JADE1: variants seen among roughly 807,000 people sequenced by gnomAD.
JADE1 encodes protein Jade-1.
Under a neutral mutation model 81.8 loss-of-function variants are expected in JADE1, and 14 were observed. The ratio of observed to expected loss-of-function variants is 0.17; its 90% CI spans 0.11 to 0.27. The LOEUF is 0.27. Among genes scored for constraint, JADE1 ranks in the 10% least tolerant of loss-of-function variants. JADE1 has a pLI of 1.00. For synonymous variants in JADE1, 353 were observed against 391.9 expected (o/e 0.90, Z 1.17); for missense variants, 690 against 1,047.9 (o/e 0.66, Z 4.71).
rs778572627 is a variant in JADE1 at position 128,809,982 on chromosome 4, ACGGCGG to A, written c.-27+122_-27+127del. ...TGCGCGTCCCGGTCCCGCGGCGGCG[ACGGCGG>A]CGGCGGCGGCGGCGGCTGCAGGACG... On this transcript the variant is annotated intron_variant, in intron 1 of 10. Coordinates refer to ENST00000226319, the MANE Select transcript of JADE1 (RefSeq NM_199320.4). The A allele has an allele frequency of 7.1e-3, 1,139 of 159,454 alleles. 7 individuals carry two copies. The highest frequency in any genetic ancestry group is 9.8e-3 in the Non-Finnish European group (735 of 75,190). The allele number at this position is 159,454 out of a possible 1,614,324, so 9.9% of individuals were successfully genotyped here.
chr4:128,835,660 C>G (rs1467107123), intron 2 of JADE1, among the ~76,000 whole-genome samples: 1 of 152,218 alleles, frequency 6.6e-6, no homozygotes, highest in African/African-American at 2.4e-5. Context: ...ACACCTCAGC[C>G]TCTCCAGCCT....
In JADE1 at chr4:128,871,503, G is replaced by A. The variant is rs142808845; in HGVS notation, c.1770G>A (p.Ser590=). The A allele has an allele frequency of 5.2e-5, 84 of 1,614,082 alleles. No homozygotes were observed. The African/African-American group carries it at 8.7e-4, about 17-fold the overall frequency. Residue 590 remains serine, a synonymous_variant, in exon 11 of 11, where the codon TCG becomes TCA. Coordinates refer to ENST00000226319, the MANE Select transcript of JADE1 (RefSeq NM_199320.4). This position sits in a 1 kb window ranked among gnomAD's most constrained non-coding sequence, Gnocchi z 4.1. ...AAATGGGTACTTCCTTGGTTCATTCGCTGAAAAAGCCCCATAAGCGAGATC... is the reference window on the plus strand; with the variant it reads ...AAATGGGTACTTCCTTGGTTCATTCACTGAAAAAGCCCCATAAGCGAGATC... ...RKQMGTSLVH[S]LKKPHKRDPL... is the part of the protein sequence containing the mutation.
At chr4:128,824,184 C>T (rs1313917421) in intron 1 of JADE1, among the ~76,000 whole-genome samples, 7 of 151,944 alleles carry the variant, frequency 4.6e-5, no homozygotes, top group Non-Finnish European at 5.9e-5. Flanking sequence ...TTTGGGAGGC[C>T]GAGGCGGGCG....
chr4:128,859,195 AGTGT>A (rs1185250633), intron 8 of JADE1, among the ~76,000 whole-genome samples: 1 of 149,782 alleles, frequency 6.7e-6, no homozygotes, highest in Non-Finnish European at 1.5e-5. Flanking sequence ...TGCATGTGTG[AGTGT>A]GTGTGTATGG....
intron 2 of JADE1, among the ~76,000 whole-genome samples, chr4:128,839,552 C>A (rs1204626001): frequency 6.6e-6 from 1 of 152,152 alleles, no homozygotes; most frequent in African/African-American, 2.4e-5. Context: ...CAAGATAATC[C>A]TTCCCTCCCA....
intron 1 of JADE1, among the ~76,000 whole-genome samples, chr4:128,815,170 G>GCCTCCCTGTAAGCTCCA: frequency 6.8e-6 from 1 of 147,760 alleles, no homozygotes; most frequent in South Asian, 2.1e-4. Context: ...TGTAAGCTCC[G>GCCTCCCTGTAAGCTCCA]CCTCCCTGTA....
chr4:128,861,134 T>C (rs904157090), intron 8 of JADE1, among the ~76,000 whole-genome samples: 2 of 152,210 alleles, frequency 1.3e-5, no homozygotes, highest in African/African-American at 2.4e-5. Context: ...GAGGTTCTTA[T>C]TCAGGTTTGC....
chr4:128,861,957 G>A lies in JADE1; in HGVS notation c.1235G>A (p.Arg412Gln), dbSNP rs1731376570. 2 of 1,614,138 alleles carry A rather than the reference G, an allele frequency of 1.2e-6. No individual in the cohort carries two copies. Among genetic ancestry groups the A allele is most frequent in the Non-Finnish European group, 1.7e-6 (2 of 1,180,006 alleles). Residue 412 changes from arginine to glutamine, a missense_variant, in exon 9 of 11, where the codon CGG (arginine) becomes CAG (glutamine). Physicochemically the swap from Arg to Gln is conservative, Grantham distance 43. This residue lies in a region of JADE1 where 63 missense variants were observed against 138.4 expected (regional missense o/e 0.46). Transcript: ENST00000226319. ...GAGCAGAACCGGGAGGAGGCCCACC[G>A]GGTGAGTGTCCGTAAGCAGAAGCTG... Reference protein sequence around the residue: ...SLEQNREEAHRVSVRKQKLQQ... With the variant: ...SLEQNREEAHQVSVRKQKLQQ...
At position 128,846,777 on chromosome 4, in the gene JADE1, C is replaced by G. The variant is rs1483433817; in HGVS notation, c.296+245C>G. On this transcript the variant is annotated intron_variant, in intron 4 of 10. Transcript: ENST00000226319. The surrounding 1 kb of genome is among the most constrained non-coding windows in gnomAD (Gnocchi z 4.0). ...CAGCCACCACTGTGGGGAGGTGCTG[C>G]TTTCTTATGAGAGGAAGGCAAATTC... Among the ~76,000 whole-genome samples, 3 of 152,216 alleles carry G rather than the reference C, an allele frequency of 2.0e-5. No homozygotes were observed. In the South Asian group the frequency reaches 6.2e-4, roughly 31 times the overall value.
Position 128,872,985 on chromosome 4 carries a change from G to GA in JADE1, c.*726dup. On this transcript the variant is annotated 3_prime_UTR_variant, in exon 11 of 11. Transcript: ENST00000226319. ...GACTGGTGGAGAGTGAGACTGTTAG[G>GA]AAAGTTGTATCTATGAATAAGGGCA... The GA allele has an allele frequency of 2.2e-6, 1 of 451,028 alleles. No homozygotes were observed. Among genetic ancestry groups the GA allele is most frequent in the South Asian group, 1.6e-5 (1 of 64,080 alleles). The allele number at this position is 451,028 out of a possible 1,614,324, so 27.9% of individuals were successfully genotyped here. A position where few individuals can be genotyped will look rare whatever the true frequency, so the allele number is the denominator to read the frequency against.
chr4:128,869,761 TA>T (rs1161201905), intron 10 of JADE1, among the ~76,000 whole-genome samples: 2 of 152,216 alleles, frequency 1.3e-5, no homozygotes, highest in African/African-American at 2.4e-5. Context: ...CATTCTGATG[TA>T]AGAACCATAG....
At chr4:128,849,726 C>T (rs1730186402) in intron 5 of JADE1, among the ~76,000 whole-genome samples, 1 of 152,192 alleles carries the variant, frequency 6.6e-6, no homozygotes, top group Non-Finnish European at 1.5e-5. Flanking sequence ...GCTGTGTGCC[C>T]AGCCCTTCTC....
At chr4:128,818,300 T>C (rs1285694871) in intron 1 of JADE1, among the ~76,000 whole-genome samples, 1 of 152,048 alleles carries the variant, frequency 6.6e-6, no homozygotes, top group Non-Finnish European at 1.5e-5. Context: ...TTTGTATTTT[T>C]AGTAGAGACG....
intron 9 of JADE1, chr4:128,862,924 G>A (rs774378171): frequency 8.1e-6 from 8 of 986,428 alleles, no homozygotes; most frequent in Non-Finnish European, 8.4e-6. Flanking sequence ...GCGCGTGCCC[G>A]TGTCCATCCA....
chr4:128,849,930 T>G (rs981176646), intron 5 of JADE1, among the ~76,000 whole-genome samples: 1 of 152,084 alleles, frequency 6.6e-6, no homozygotes, highest in African/African-American at 2.4e-5. Flanking sequence ...TTAATTAGCT[T>G]TTGTGCTGTA....
intron 2 of JADE1, among the ~76,000 whole-genome samples, chr4:128,835,860 A>G (rs934507151): frequency 1.3e-5 from 2 of 152,158 alleles, no homozygotes; most frequent in Non-Finnish European, 2.9e-5. Context: ...CCAGTGTGGT[A>G]TTTACAGTTG....
rs1560788826 is a variant in JADE1 at position 128,873,271 on chromosome 4, AAGAAAAAAAGAAAAAAAAAAG to A, written c.*1011_*1031del. 2 of 105,810 alleles carry A rather than the reference AAGAAAAAAAGAAAAAAAAAAG, an allele frequency of 1.9e-5. No individual in the cohort carries two copies. The highest frequency in any genetic ancestry group is 6.2e-5 in the African/African-American group (2 of 32,028). 6.6% of individuals were successfully genotyped at this position (105,810 alleles called of 1,614,324 possible). A position where few individuals can be genotyped will look rare whatever the true frequency, so the allele number is the denominator to read the frequency against. ...TAAGAAAAAGGAAAAAAAAAAAAAA[AAGAAAAAAAGAAAAAAAAAAG>A]AAAAAAGAAAAAAAGAGAAAAAAGC... On this transcript the variant is annotated 3_prime_UTR_variant, in exon 11 of 11. Coordinates refer to ENST00000226319, the MANE Select transcript of JADE1 (RefSeq NM_199320.4).
intron 2 of JADE1, among the ~76,000 whole-genome samples, chr4:128,836,612 A>G (rs934724736): frequency 6.6e-6 from 1 of 152,202 alleles, no homozygotes; most frequent in African/African-American, 2.4e-5. Flanking sequence ...TCTAAAACCT[A>G]AAGGACATAC....
chr4:128,813,585 A>T (rs1001490149), intron 1 of JADE1, among the ~76,000 whole-genome samples: 1 of 150,178 alleles, frequency 6.7e-6, no homozygotes, highest in Non-Finnish European at 1.5e-5. Flanking sequence ...CGGCTGGCTA[A>T]TTTTTTTTTG....
Sources: gnomAD v4.1 joint callset for allele counts (sites outside exome capture counted in the v4.1 genomes callset) on GRCh38, gnomAD v4.1.1 for gene constraint, gnomAD v4.1.1 regional missense constraint, Gnocchi (gnomAD v3.1) non-coding constraint, MANE v1.5 for transcripts, NCBI Gene and HGNC (gene_info 2026-07-23, HGNC 2026-07-21) for gene names.